The following KIF13A variants were observed in gnomAD, a reference collection of about 807,000 sequenced individuals.
KIF13A encodes the protein kinesin-like protein KIF13A.
In KIF13A, 79 loss-of-function variants were observed where a neutral mutation model predicts 212.2. The ratio of observed to expected loss-of-function variants is 0.37; its 90% CI spans 0.31 to 0.45. KIF13A has a LOEUF of 0.45. Among genes scored for constraint, KIF13A ranks in the 20% least tolerant of loss-of-function variants. The pLI, the probability that KIF13A is intolerant of heterozygous loss-of-function variation, is 1.00. For missense variants in KIF13A, 1,901 were observed against 2,209.0 expected, an observed-to-expected ratio of 0.86 and a Z score of 2.79; for synonymous variants, 789 against 808.6, an observed-to-expected ratio of 0.98 and a Z score of 0.41.
chr6:17,886,980 G>A lies in KIF13A; in HGVS notation c.159+11188C>T, dbSNP rs920676409. ...TGCATTACTGTTCCAAATGATTCCT[G>A]GCCCTCCTGGTAAGGGAATTACACA... is the stretch of plus-strand genomic sequence containing the variant. On this transcript the variant is annotated intron_variant, in intron 3 of 38. Transcript: ENST00000259711. The surrounding 1 kb of genome is among the most constrained non-coding windows in gnomAD (Gnocchi z 5.6). 1.6e-4 allele frequency among the ~76,000 whole-genome samples: 24 copies of A among 152,026 alleles called. No homozygotes were observed. Among genetic ancestry groups the A allele is most frequent in the African/African-American group, 5.8e-4 (24 of 41,396 alleles).
intron 2 of KIF13A, among the ~76,000 whole-genome samples, chr6:17,969,789 T>C (rs1010358941): frequency 6.6e-6 from 1 of 152,270 alleles, no homozygotes; most frequent in African/African-American, 2.4e-5. Flanking sequence ...ATTCATTTAC[T>C]GACCCACTAA....
intron 2 of KIF13A, among the ~76,000 whole-genome samples, chr6:17,955,254 T>C (rs927505773): frequency 3.2e-4 from 49 of 152,228 alleles, no homozygotes; most frequent in African/African-American, 1.1e-3. Flanking sequence ...TCCAGATCCT[T>C]CTATTAGTAG....
chr6:17,873,307 T>TA, intron 4 of KIF13A, 70 bp downstream of exon 4: 1 of 1,015,432 alleles, frequency 9.8e-7, no homozygotes, highest in Non-Finnish European at 1.5e-6. Context: ...CCAGAGGAAT[T>TA]AAAGAAAATA....
intron 16 of KIF13A, among the ~76,000 whole-genome samples, chr6:17,819,979 C>A (rs545755948): frequency 1.5e-4 from 23 of 152,068 alleles, no homozygotes; most frequent in Admixed American, 2.6e-4. Context: ...GAAAACACAC[C>A]GTTTTATAAA....
At chr6:17,880,880 A>G (rs955947501) in intron 3 of KIF13A, among the ~76,000 whole-genome samples, 5 of 152,262 alleles carry the variant, frequency 3.3e-5, no homozygotes, top group Admixed American at 3.3e-4. Flanking sequence ...TCGACCTCCC[A>G]AAGTGCTGAG....
chr6:17,889,654 C>T (rs1771863529), intron 3 of KIF13A, among the ~76,000 whole-genome samples: 1 of 152,088 alleles, frequency 6.6e-6, no homozygotes, highest in South Asian at 2.1e-4. Context: ...AAAGAAAATA[C>T]ACTTGTCCCT....
intron 25 of KIF13A, among the ~76,000 whole-genome samples, chr6:17,791,937 C>G (rs1411516913): frequency 1.4e-5 from 2 of 145,690 alleles, no homozygotes; most frequent in Non-Finnish European, 3.0e-5. Flanking sequence ...AGCGCAGTGG[C>G]TCACGCCTGT....
At chr6:17,932,429 C>G (rs770189279) in intron 2 of KIF13A, among the ~76,000 whole-genome samples, 6 of 152,172 alleles carry the variant, frequency 3.9e-5, no homozygotes, top group African/African-American at 2.4e-5. Flanking sequence ...ACGTTGCGAC[C>G]TTATGAAATC....
intron 3 of KIF13A, among the ~76,000 whole-genome samples, chr6:17,893,993 C>T (rs1772324826): frequency 6.6e-6 from 1 of 151,800 alleles, no homozygotes; most frequent in Non-Finnish European, 1.5e-5. Flanking sequence ...GCGTGTGCCA[C>T]CACACCCGGC....
At position 17,816,682 on chromosome 6, in the gene KIF13A, A is replaced by G. The variant is rs980081642; in HGVS notation, c.2000+338T>C. Among the ~76,000 whole-genome samples the G allele has an allele frequency of 3.9e-5, 6 of 152,206 alleles. No homozygotes were observed. The South Asian group carries it at 8.3e-4, about 21-fold the overall frequency. ...CTGAAGTTGTATTTAAATAGATTCA[A>G]AAGTATGAGAAATAAGAAAAAAATG... On this transcript the variant is annotated intron_variant, in intron 17 of 38. Coordinates refer to ENST00000259711, the MANE Select transcript of KIF13A (RefSeq NM_022113.6). This position sits in a 1 kb window ranked among gnomAD's most constrained non-coding sequence, Gnocchi z 4.3.
rs150815423 is a variant in KIF13A, at chr6:17,959,849, C to T, written c.146+27205G>A. ...GACCAGACTGACCAACATGGAGAAA[C>T]CTCGTCTTTCCTAAAAATACAAAAT... is the stretch of plus-strand genomic sequence containing the variant. On this transcript the variant is annotated intron_variant, in intron 2 of 38. Transcript: ENST00000259711. Among the ~76,000 whole-genome samples the T allele has an allele frequency of 2.9e-3, 444 of 152,284 alleles. 4 individuals carry two copies. The highest frequency in any genetic ancestry group is 0.01 in the African/African-American group (416 of 41,564).
At chr6:17,927,805 C>A (rs936268655) in intron 2 of KIF13A, among the ~76,000 whole-genome samples, 3 of 152,304 alleles carry the variant, frequency 2.0e-5, no homozygotes, top group South Asian at 2.1e-4. Context: ...ATATGGGAGG[C>A]TGGTCCAGGC....
rs185000036 is a variant in KIF13A, at chr6:17,817,348, C to T, written c.1787-115G>A. ...TAGCAAGGAATCTAGCCAGTCAATA[C>T]GCTTTTTGTGAGAGGCCTGAGGGGC... On this transcript the variant is annotated intron_variant, in intron 16 of 38. Transcript: ENST00000259711. The T allele has an allele frequency of 6.3e-5, 54 of 850,684 alleles. 1 individual carries two copies. Among genetic ancestry groups the T allele is most frequent in the South Asian group, 3.4e-4 (21 of 61,454 alleles). 52.7% of individuals were successfully genotyped at this position (850,684 alleles called of 1,614,324 possible). A position where few individuals can be genotyped will look rare whatever the true frequency, so the allele number is the denominator to read the frequency against.
rs545242983 is a variant in KIF13A at position 17,843,377 on chromosome 6, G to C, written c.831-5794C>G. On this transcript the variant is annotated intron_variant, in intron 9 of 38. Transcript: ENST00000259711. The surrounding 1 kb of genome is among the most constrained non-coding windows in gnomAD (Gnocchi z 5.3). ...TTTCCAAAGTCCTCTCTGCAGCTTC[G>C]GGTAGCCATTAAACACAGTTCTGGC... Among the ~76,000 whole-genome samples the C allele has an allele frequency of 6.6e-6, 1 of 152,118 alleles. No homozygotes were observed. Among genetic ancestry groups the C allele is most frequent in the Non-Finnish European group, 1.5e-5 (1 of 68,036 alleles).
chr6:17,811,555 GCTTT>G lies in KIF13A; in HGVS notation c.2001-2629_2001-2626del, dbSNP rs1241863523. ...ACAAAGAGAATAAACGACATCTGTG[GCTTT>G]CTTTGTAATTCTCACCAGCGTTTAA... On this transcript the variant is annotated intron_variant, in intron 17 of 38. Transcript: ENST00000259711. This position sits in a 1 kb window ranked among gnomAD's most constrained non-coding sequence, Gnocchi z 6.0. Among the ~76,000 whole-genome samples, 1 of 152,084 alleles carries G rather than the reference GCTTT, an allele frequency of 6.6e-6. No individual in the cohort carries two copies. Among genetic ancestry groups the G allele is most frequent in the Non-Finnish European group, 1.5e-5 (1 of 68,008 alleles).
intron 34 of KIF13A, 132 bp from the exon 35 acceptor site, chr6:17,775,194 C>G: frequency 1.5e-6 from 1 of 664,836 alleles, no homozygotes; most frequent in South Asian, 2.1e-5. Context: ...CTTCCCTCTC[C>G]AGGAGTAGTG....
intron 16 of KIF13A, among the ~76,000 whole-genome samples, chr6:17,823,493 A>C (rs1206492685): frequency 2.3e-5 from 3 of 130,958 alleles, no homozygotes; most frequent in Non-Finnish European, 3.2e-5. Context: ...TTTGAAACAG[A>C]CTCTCGCTCT....
intron 26 of KIF13A, among the ~76,000 whole-genome samples, chr6:17,788,798 C>T (rs929939860): frequency 6.6e-6 from 1 of 152,160 alleles, no homozygotes; most frequent in African/African-American, 2.4e-5. Flanking sequence ...AATCTCGGCT[C>T]ACTGCAACCT....
chr6:17,976,288 G>A (rs1780465843), intron 2 of KIF13A, among the ~76,000 whole-genome samples: 1 of 152,212 alleles, frequency 6.6e-6, no homozygotes, highest in Non-Finnish European at 1.5e-5. Flanking sequence ...CGGAGCGGGT[G>A]GGAGGCTCAG....
Sources: gnomAD v4.1 joint callset for allele counts (sites outside exome capture counted in the v4.1 genomes callset) on GRCh38, gnomAD v4.1.1 for gene constraint, Gnocchi (gnomAD v3.1) non-coding constraint, MANE v1.5 for transcripts, NCBI Gene and HGNC (gene_info 2026-07-23, HGNC 2026-07-21) for gene names.